Variants in MED13L observed in about 807,000 individuals in gnomAD.
MED13L encodes mediator of RNA polymerase II transcription subunit 13-like.
Under a neutral mutation model 220.9 loss-of-function variants are expected in MED13L, and 7 were observed. That is an observed-to-expected ratio of 0.03 (90% confidence interval 0.02 to 0.06). The LOEUF is 0.06. MED13L is among the 10% of genes least tolerant of loss of function. The probability of loss-of-function intolerance (pLI) is 1.00; values close to 1 mark genes in which losing one functional copy is unlikely to be tolerated. For missense variants in MED13L, 1,965 were observed against 2,760.5 expected (o/e 0.71, Z 6.46); for synonymous variants, 1,011 against 1,015.2 (o/e 1.00, Z 0.08).
chr12:115,996,322 C>T (rs1185852600), intron 16 of MED13L, among the ~76,000 whole-genome samples, 154 bp downstream of exon 16: 1 of 152,076 alleles, frequency 6.6e-6, no homozygotes, highest in Non-Finnish European at 1.5e-5. Context: ...AAACTCCTGA[C>T]CTCAAGTGAT....
At chr12:116,083,404 GAAAAAAAAAAAAAA>G (rs61301423) in intron 4 of MED13L, among the ~76,000 whole-genome samples, 2 of 79,360 alleles carry the variant, frequency 2.5e-5, no homozygotes, top group African/African-American at 9.4e-5. Context: ...TGTCTCGAGG[GAAAAAAAAAAAAAA>G]AAAAAAAAAC....
chr12:116,152,923 T>G (rs1334128571), intron 2 of MED13L, among the ~76,000 whole-genome samples: 2 of 151,948 alleles, frequency 1.3e-5, no homozygotes, highest in Admixed American at 6.6e-5. Flanking sequence ...CTGACATTTT[T>G]CATAATAGAA....
At chr12:116,185,307 C>A (rs571012227) in intron 2 of MED13L, among the ~76,000 whole-genome samples, 2 of 150,864 alleles carry the variant, frequency 1.3e-5, no homozygotes, top group East Asian at 3.9e-4. Context: ...AATTAGAATA[C>A]GAATAACAAG....
chr12:116,038,245 A>G (rs1371086158), intron 4 of MED13L, among the ~76,000 whole-genome samples: 1 of 151,846 alleles, frequency 6.6e-6, no homozygotes, highest in South Asian at 2.1e-4. Flanking sequence ...CAAGCAAGGT[A>G]TAAGACATGG....
intron 2 of MED13L, among the ~76,000 whole-genome samples, chr12:116,149,938 G>T (rs1333172044): frequency 6.6e-6 from 1 of 152,132 alleles, no homozygotes; most frequent in African/African-American, 2.4e-5. Flanking sequence ...AGAAAGGTGT[G>T]ATATTTCTTT....
chr12:116,229,347 C>T (rs769708363), intron 2 of MED13L, among the ~76,000 whole-genome samples: 12 of 152,138 alleles, frequency 7.9e-5, no homozygotes, highest in South Asian at 2.1e-4. Context: ...GGATTTTACT[C>T]AGGTTTACTT....
chr12:116,183,918 T>C (rs1421482696), intron 2 of MED13L, among the ~76,000 whole-genome samples: 2 of 151,994 alleles, frequency 1.3e-5, no homozygotes, highest in African/African-American at 2.4e-5. Flanking sequence ...GTCTTTGAGA[T>C]AATCAGGTTA....
chr12:115,978,102 A>T (rs1482366195), intron 23 of MED13L, among the ~76,000 whole-genome samples: 1 of 152,112 alleles, frequency 6.6e-6, no homozygotes, highest in African/African-American at 2.4e-5. Context: ...AAAAAATCAT[A>T]TATTGTGTGA....
At chr12:116,167,130 A>C (rs1879336384) in intron 2 of MED13L, among the ~76,000 whole-genome samples, 1 of 152,200 alleles carries the variant, frequency 6.6e-6, no homozygotes, top group African/African-American at 2.4e-5. Flanking sequence ...TGTAAAGATA[A>C]AGAGATAGAC....
At position 116,277,097 on chromosome 12, in the gene MED13L, G is replaced by T; in HGVS notation, c.35C>A (p.Ala12Glu). The T allele has an allele frequency of 6.3e-7, 1 of 1,590,112 alleles. No homozygotes were observed. Among genetic ancestry groups the T allele is most frequent in the East Asian group, 2.3e-5 (1 of 43,662 alleles). Residue 12 changes from alanine (A) to glutamate (E), a missense_variant, in exon 1 of 31, where the codon GCG becomes GAG. Transcript: ENST00000281928. ...GTTGGAGTGACAATCCTCCAGGCTC[G>T]CCCCGTTCGCCACCCAGTTCGCTGC... ...TAAANWVANG[A>E]SLEDCHSNLF...
chr12:116,276,308 T>TTGTGTGTGTGTGTGTGTGTGTG (rs372521434), intron 1 of MED13L: 1 of 222,368 alleles, frequency 4.5e-6, no homozygotes, highest in Non-Finnish European at 8.3e-6. Flanking sequence ...CTTGTTGCTT[T>TTGTGTGTGTGTGTGTGTGTGTG]TGTGTGTGTG....
chr12:116,117,398 A>G (rs1401981248), intron 2 of MED13L, among the ~76,000 whole-genome samples: 3 of 152,152 alleles, frequency 2.0e-5, no homozygotes, highest in Non-Finnish European at 1.5e-5. Context: ...AAACGCGCAG[A>G]AATATTATTT....
chr12:116,259,728 GA>G (rs891494578), intron 1 of MED13L, among the ~76,000 whole-genome samples: 16 of 150,932 alleles, frequency 1.1e-4, no homozygotes, highest in Admixed American at 2.6e-4. Flanking sequence ...GCAAAAGCAA[GA>G]AAAAAAAATC....
intron 4 of MED13L, among the ~76,000 whole-genome samples, chr12:116,080,167 A>G (rs1349841629): frequency 6.6e-6 from 1 of 152,188 alleles, no homozygotes; most frequent in African/African-American, 2.4e-5. Flanking sequence ...AGTGCAACAC[A>G]GTGGCATGAT....
intron 4 of MED13L, among the ~76,000 whole-genome samples, chr12:116,075,079 A>G (rs1870672301): frequency 6.6e-6 from 1 of 152,248 alleles, no homozygotes; most frequent in Admixed American, 6.5e-5. Flanking sequence ...GGCTAAAAAA[A>G]TGAATGACCA....
chr12:116,023,771 A>C (rs1278813024), intron 4 of MED13L, among the ~76,000 whole-genome samples: 1 of 152,220 alleles, frequency 6.6e-6, no homozygotes, highest in African/African-American at 2.4e-5. Flanking sequence ...AATTCAAGAT[A>C]GTGACTACAA....
At chr12:116,091,843 G>A (rs1262378133) in intron 4 of MED13L, among the ~76,000 whole-genome samples, 2 of 152,114 alleles carry the variant, frequency 1.3e-5, no homozygotes, top group African/African-American at 2.4e-5. Flanking sequence ...CATGGTTCTG[G>A]TAACACCAGT....
rs566406380 is a variant in MED13L at position 116,055,685 on chromosome 12, G to A, written c.480-33084C>T. ...TGAGGTGGGTGGATCACCTGAGGTC[G>A]GGAGTTCAAGACCAGCCTAGCCAAC... On this transcript the variant is annotated intron_variant, in intron 4 of 30. Coordinates refer to ENST00000281928, the MANE Select transcript of MED13L (RefSeq NM_015335.5). Among the ~76,000 whole-genome samples, 7 of 152,124 alleles carry A rather than the reference G, an allele frequency of 4.6e-5. No individual in the cohort carries two copies. In the South Asian group the frequency reaches 1.0e-3, roughly 23 times the overall value.
intron 2 of MED13L, among the ~76,000 whole-genome samples, chr12:116,217,455 A>G (rs1298950619): frequency 6.6e-6 from 1 of 152,182 alleles, no homozygotes; most frequent in Non-Finnish European, 1.5e-5. Flanking sequence ...AGGATTGGTA[A>G]AAGTCCTATC....
Sources: gnomAD v4.1 joint callset for allele counts (sites outside exome capture counted in the v4.1 genomes callset) on GRCh38, gnomAD v4.1.1 for gene constraint, MANE v1.5 for transcripts, NCBI Gene and HGNC (gene_info 2026-07-23, HGNC 2026-07-21) for gene names.